Variants in PAK1 observed in about 807,000 individuals in gnomAD.
The protein encoded by PAK1 is serine/threonine-protein kinase PAK 1.
Under a neutral mutation model 67.4 loss-of-function variants are expected in PAK1, and 29 were observed. The ratio of observed to expected loss-of-function variants is 0.43; its 90% confidence interval spans 0.32 to 0.59. The LOEUF is 0.59. Among genes scored for constraint, PAK1 ranks in the 20% least tolerant of loss-of-function variants. The probability of loss-of-function intolerance (pLI) is 0.07; values close to 1 mark genes in which losing one functional copy is unlikely to be tolerated. For synonymous variants in PAK1, 223 were observed against 237.4 expected, an observed-to-expected ratio of 0.94 and a Z score of 0.56; for missense variants, 337 against 670.7, an observed-to-expected ratio of 0.50 and a Z score of 5.50.
intron 1 of PAK1, among the ~76,000 whole-genome samples, chr11:77,462,934 A>G (rs1204302798): frequency 7.9e-6 from 1 of 126,892 alleles, no homozygotes; most frequent in Non-Finnish European, 1.6e-5. Context: ...CAAAGTGCCT[A>G]CTATAGGTTA....
In PAK1 at chr11:77,392,019, C is replaced by G. The variant is rs1412123180; in HGVS notation, c.190+312G>C. Among the ~76,000 whole-genome samples, 4 of 152,108 alleles carry G rather than the reference C, an allele frequency of 2.6e-5. No homozygotes were observed. In the East Asian group the frequency reaches 7.7e-4, roughly 29 times the overall value. On this transcript the variant is annotated intron_variant, in intron 2 of 14. Transcript: ENST00000356341. Reference sequence around the variant, plus strand: ...AAAAAAATTCCAAATAAAGACATTTCAATTTTTCTTACATTTTGTGGCTTC... The same window carrying G: ...AAAAAAATTCCAAATAAAGACATTTGAATTTTTCTTACATTTTGTGGCTTC...
At chr11:77,498,460 G>T in the PAK1 span, among the ~76,000 whole-genome samples, 1 of 151,278 alleles carries the variant, frequency 6.6e-6, no homozygotes, top group African/African-American at 2.4e-5. Flanking sequence ...ATTTATAAAA[G>T]CTCATTATTG....
chr11:77,506,730 T>C, the PAK1 span, among the ~76,000 whole-genome samples: 1 of 152,158 alleles, frequency 6.6e-6, no homozygotes, highest in Non-Finnish European at 1.5e-5. Flanking sequence ...TTTATTTATT[T>C]TCTTCCTGAT....
upstream of PAK1, chr11:77,476,315 C>G (rs926763677): frequency 1.3e-5 from 2 of 152,224 alleles, no homozygotes; most frequent in African/African-American, 2.4e-5. Context: ...GATGCGGGAA[C>G]TGAGGCACAG....
chr11:77,391,434 T>C (rs1019850277), intron 2 of PAK1, among the ~76,000 whole-genome samples: 4 of 152,236 alleles, frequency 2.6e-5, no homozygotes, highest in Admixed American at 2.0e-4. Flanking sequence ...TTAACTGACA[T>C]GCCTAAGATC....
chr11:77,353,457 A>C, intron 8 of PAK1, 79 bp downstream of exon 8: 2 of 928,868 alleles, frequency 2.2e-6, no homozygotes, highest in Non-Finnish European at 1.7e-6. Flanking sequence ...TATGAGAGGC[A>C]AAAAAAAAGC....
intron 1 of PAK1, among the ~76,000 whole-genome samples, chr11:77,434,337 T>C (rs1956008913): frequency 6.6e-6 from 1 of 152,088 alleles, no homozygotes; most frequent in Non-Finnish European, 1.5e-5. Context: ...TTCCATACAA[T>C]AGAATATTTT....
At chr11:77,384,301 T>C (rs1339171184) in intron 2 of PAK1, among the ~76,000 whole-genome samples, 7 of 151,960 alleles carry the variant, frequency 4.6e-5, no homozygotes, top group Admixed American at 2.6e-4. Context: ...GAAGACACAA[T>C]GGAGAAAATA....
intron 1 of PAK1, chr11:77,411,978 T>C (rs942186540): frequency 6.6e-6 from 1 of 152,124 alleles, no homozygotes. Flanking sequence ...AGGCGCCGCG[T>C]CGGGGTTGGC....
intron 1 of PAK1, among the ~76,000 whole-genome samples, chr11:77,415,669 G>A (rs1372996779): frequency 6.6e-6 from 1 of 151,996 alleles, no homozygotes; most frequent in African/African-American, 2.4e-5. Context: ...GGAACTTGCA[G>A]GACTGGAAGT....
At chr11:77,513,771 G>T in the PAK1 span, among the ~76,000 whole-genome samples, 11 of 149,470 alleles carry the variant, frequency 7.4e-5, no homozygotes, top group Non-Finnish European at 1.2e-4. Flanking sequence ...CAGAGTCTTT[G>T]TGATGATGGT....
chr11:77,441,357 A>G (rs1956348351), intron 1 of PAK1, among the ~76,000 whole-genome samples: 1 of 152,196 alleles, frequency 6.6e-6, no homozygotes, highest in Non-Finnish European at 1.5e-5. Flanking sequence ...AGAAAAGCCA[A>G]CCCATTTCTT....
At chr11:77,490,141 G>A in the PAK1 span, among the ~76,000 whole-genome samples, 13 of 150,732 alleles carry the variant, frequency 8.6e-5, no homozygotes, top group African/African-American at 2.7e-4. Context: ...CTGCCTGGCC[G>A]CCCCGTCTGA....
intron 2 of PAK1, among the ~76,000 whole-genome samples, chr11:77,385,648 G>A (rs539148613): frequency 1.7e-4 from 26 of 152,158 alleles, no homozygotes; most frequent in African/African-American, 5.5e-4. Flanking sequence ...CTGAGGTCAG[G>A]AGTTCAAGAC....
chr11:77,410,019 C>T (rs1954262765), intron 1 of PAK1, among the ~76,000 whole-genome samples: 1 of 152,118 alleles, frequency 6.6e-6, no homozygotes, highest in African/African-American at 2.4e-5. Context: ...CAAATAACCA[C>T]TATCTTGTCC....
At position 77,358,935 on chromosome 11, in the gene PAK1, G is replaced by C; in HGVS notation, c.560C>G (p.Pro187Arg). The C allele has an allele frequency of 6.2e-7, 1 of 1,613,664 alleles. No individual in the cohort carries two copies. Among genetic ancestry groups the C allele is most frequent in the Non-Finnish European group, 8.5e-7 (1 of 1,179,702 alleles). Residue 187 changes from proline (P) to arginine (R), a missense_variant, in exon 6 of 15, where the codon CCA (proline) becomes CGA (arginine). Coordinates refer to ENST00000356341, the MANE Select transcript of PAK1 (RefSeq NM_002576.5). ...CTCTGGGCGTGGAGCAATCACTGGT[G>C]GTGGGGTAGCATCATCATCATCATC... ...EDDDDDDATP[P>R]PVIAPRPEHT...
At chr11:77,433,037 G>A (rs1328003147) in intron 1 of PAK1, among the ~76,000 whole-genome samples, 1 of 152,178 alleles carries the variant, frequency 6.6e-6, no homozygotes, top group East Asian at 1.9e-4. Flanking sequence ...AGAAATTAAT[G>A]CTTATGTTTG....
the PAK1 span, among the ~76,000 whole-genome samples, chr11:77,511,303 T>C: frequency 6.6e-6 from 1 of 152,160 alleles, no homozygotes; most frequent in Admixed American, 6.5e-5. Flanking sequence ...CATACACACC[T>C]CCACAATGAT....
intron 1 of PAK1, among the ~76,000 whole-genome samples, chr11:77,432,566 G>C (rs764442009): frequency 2.6e-5 from 4 of 152,192 alleles, no homozygotes; most frequent in African/African-American, 9.6e-5. Flanking sequence ...GCTGAGGCTG[G>C]AGGAATGCTT....
Sources: allele counts gnomAD v4.1 joint callset (sites outside exome capture counted in the v4.1 genomes callset), GRCh38; gene constraint gnomAD v4.1.1; transcripts MANE v1.5; gene names NCBI Gene and HGNC (gene_info 2026-07-23, HGNC 2026-07-21).